Variants in OLFM1 observed in about 807,000 individuals in gnomAD.
OLFM1 encodes the protein noelin.
Under a neutral mutation model 49.7 loss-of-function variants are expected in OLFM1, and 9 were observed. That is an observed-to-expected ratio of 0.18 (90% CI 0.11 to 0.32). OLFM1 has a LOEUF of 0.32. OLFM1 is among the 10% of genes least tolerant of loss of function. The pLI is 1.00. For synonymous variants in OLFM1, 240 were observed against 271.8 expected (o/e 0.88, Z 1.15); for missense variants, 369 against 661.8 (o/e 0.56, Z 4.85).
At chr9:135,099,832 G>T (rs573342940) in intron 4 of OLFM1, among the ~76,000 whole-genome samples, 1 of 152,336 alleles carries the variant, frequency 6.6e-6, no homozygotes, top group South Asian at 2.1e-4. Context: ...GGGCCAGATG[G>T]CCTCTACCAT....
intron 1 of OLFM1, chr9:135,077,151 C>T: frequency 3.9e-6 from 5 of 1,277,006 alleles, no homozygotes; most frequent in Non-Finnish European, 5.1e-6. Flanking sequence ...CATTCATGTG[C>T]ACACACACAC....
rs1251468360 is a variant in OLFM1, at chr9:135,119,950, C to T, written c.1230C>T (p.Gly410=). 1.9e-6 allele frequency: 3 copies of T among 1,613,536 alleles called. No individual in the cohort carries two copies. The highest frequency in any genetic ancestry group is 1.7e-5 in the Admixed American group (1 of 60,012). The part of the protein sequence containing the change: ...RSAGEAFIIC[G]TLYVTNGYSG... ...CCGGGGAGGCCTTCATCATCTGCGGCACGCTGTACGTCACCAACGGCTACT... is the reference window on the plus strand; with the variant it reads ...CCGGGGAGGCCTTCATCATCTGCGGTACGCTGTACGTCACCAACGGCTACT... Residue 410 remains glycine, a synonymous_variant, in exon 6 of 6, where the codon GGC becomes GGT. Transcript: ENST00000371793.
intron 1 of OLFM1, among the ~76,000 whole-genome samples, chr9:135,078,680 A>G (rs1003268739): frequency 6.4e-4 from 98 of 152,318 alleles, no homozygotes; most frequent in African/African-American, 2.3e-3. Context: ...AGAGGCATTG[A>G]TCTCTGGGCC....
At chr9:135,118,862 G>GA (rs1831141019) in intron 5 of OLFM1, among the ~76,000 whole-genome samples, 2 of 149,860 alleles carry the variant, frequency 1.3e-5, no homozygotes, top group African/African-American at 4.9e-5. Context: ...CGGGTCTTTG[G>GA]AGTGCTCACT....
At chr9:135,118,792 CGTGTCTTT>C (rs1831138474) in intron 5 of OLFM1, among the ~76,000 whole-genome samples, 1 of 115,632 alleles carries the variant, frequency 8.6e-6, no homozygotes, top group African/African-American at 3.3e-5. Flanking sequence ...GAGTGCTCGC[CGTGTCTTT>C]GGAGTGCTCG....
At position 135,076,234 on chromosome 9, in the gene OLFM1, C is replaced by T; in HGVS notation, c.96+432C>T. 3 of 1,550,600 alleles carry T rather than the reference C, an allele frequency of 1.9e-6. No individual in the cohort carries two copies. The African/African-American group carries it at 4.1e-5, about 21-fold the overall frequency. ...AACACACACCCCTGAGTGGCTCATC[C>T]TCCCTTTGGGCATAACGCTGCCCTT... is the stretch of plus-strand genomic sequence containing the variant. On this transcript the variant is annotated intron_variant, in intron 1 of 5. Transcript: ENST00000252854.
intron 1 of OLFM1, among the ~76,000 whole-genome samples, chr9:135,078,851 C>G (rs938980683): frequency 6.6e-6 from 1 of 152,218 alleles, no homozygotes; most frequent in Non-Finnish European, 1.5e-5. Flanking sequence ...GCCTCATTCT[C>G]ACCCCGATCC....
chr9:135,097,705 T>C (rs1830819630), intron 3 of OLFM1: 1 of 1,181,782 alleles, frequency 8.5e-7, no homozygotes, highest in South Asian at 1.2e-5. Context: ...TGCAAATATG[T>C]GTTTCCTGAT....
In OLFM1 at chr9:135,087,789, C is replaced by A. The variant is rs1830619663; in HGVS notation, c.-201C>A. ...CGGCGGGCAGAGGCCACCTGGCCAC[C>A]TTCCCTGGCGCCCGGGGAAGGCGCG... On this transcript the variant is annotated 5_prime_UTR_variant, in exon 1 of 6. Coordinates refer to ENST00000371793, the MANE Select transcript of OLFM1 (RefSeq NM_001282611.2). 2 of 661,226 alleles carry A rather than the reference C, an allele frequency of 3.0e-6. No individual in the cohort carries two copies. The highest frequency in any genetic ancestry group is 6.3e-5 in the South Asian group (1 of 15,808). The allele number at this position is 661,226 out of a possible 1,614,324, so 41.0% of individuals were successfully genotyped here.
intron 1 of OLFM1, among the ~76,000 whole-genome samples, chr9:135,078,120 A>G (rs1335291890): frequency 6.6e-6 from 1 of 152,100 alleles, no homozygotes; most frequent in African/African-American, 2.4e-5. Flanking sequence ...CTTGATTCCA[A>G]AGTTATGCGT....
chr9:135,092,004 G>T (rs923327841), intron 2 of OLFM1, among the ~76,000 whole-genome samples: 2 of 152,208 alleles, frequency 1.3e-5, no homozygotes, highest in Non-Finnish European at 2.9e-5. Context: ...GTCAGCTCAG[G>T]AGTATGGCAG....
chr9:135,092,061 G>A (rs936755885), intron 2 of OLFM1, among the ~76,000 whole-genome samples: 9 of 152,358 alleles, frequency 5.9e-5, no homozygotes, highest in East Asian at 3.9e-4. Flanking sequence ...GGCTGGCTCC[G>A]TGCTGGGGGG....
At chr9:135,111,081 T>C (rs1831015952) in intron 5 of OLFM1, among the ~76,000 whole-genome samples, 1 of 152,190 alleles carries the variant, frequency 6.6e-6, no homozygotes, top group African/African-American at 2.4e-5. Context: ...AAATCCCACG[T>C]TCTCAGTAAA....
chr9:135,098,020 GAA>G lies in OLFM1; in HGVS notation c.457-257_457-256del, dbSNP rs199608131. 7.0e-6 allele frequency: 9 copies of G among 1,293,662 alleles called. No homozygotes were observed. Among genetic ancestry groups the G allele is most frequent in the Non-Finnish European group, 8.0e-6 (8 of 1,002,550 alleles). The allele number at this position is 1,293,662 out of a possible 1,614,324, so 80.1% of individuals were successfully genotyped here. A position where few individuals can be genotyped will look rare whatever the true frequency, so the allele number is the denominator to read the frequency against. ...GTCAATGCATTTTTTGAAAAAGAAAGAAAAAAAAAACTTCGTGTATGTGACTC... is the reference window on the plus strand; with the variant it reads ...GTCAATGCATTTTTTGAAAAAGAAAGAAAAAAAACTTCGTGTATGTGACTC... On this transcript the variant is annotated intron_variant, in intron 3 of 5. Transcript: ENST00000371793. The surrounding 1 kb of genome is among the most constrained non-coding windows in gnomAD (Gnocchi z 5.6).
chr9:135,079,898 A>T (rs2119085165), intron 1 of OLFM1, among the ~76,000 whole-genome samples: 1 of 152,066 alleles, frequency 6.6e-6, no homozygotes, highest in African/African-American at 2.4e-5. Context: ...TTCAGGTTTT[A>T]TTGAGTGACT....
Position 135,087,687 on chromosome 9 carries a change from C to A in OLFM1, c.-303C>A. On this transcript the variant is annotated 5_prime_UTR_variant, in exon 1 of 6. Transcript: ENST00000371793. The stretch of plus-strand genomic sequence containing the variant: ...GCGCTCAGAGCCGGACGGCGCTTCC[C>A]GGTGGCGGCGGAGGAGCCCGGAGGG... 2 of 429,052 alleles carry A rather than the reference C, an allele frequency of 4.7e-6. No homozygotes were observed. The highest frequency in any genetic ancestry group is 6.7e-6 in the Non-Finnish European group (2 of 298,306). 26.6% of individuals were successfully genotyped at this position (429,052 alleles called of 1,614,324 possible). A position where few individuals can be genotyped will look rare whatever the true frequency, so the allele number is the denominator to read the frequency against.
In OLFM1 at chr9:135,098,930, G is replaced by A. The variant is rs967277217; in HGVS notation, c.676+425G>A. ...TCATGCATAGTTTGAATAAAAAAGG[G>A]AACAAAATTCAATCACATCTCAGTA... On this transcript the variant is annotated intron_variant, in intron 4 of 5. Coordinates refer to ENST00000371793, the MANE Select transcript of OLFM1 (RefSeq NM_001282611.2). This position sits in a 1 kb window ranked among gnomAD's most constrained non-coding sequence, Gnocchi z 5.6. Among the ~76,000 whole-genome samples the A allele has an allele frequency of 5.9e-5, 9 of 152,198 alleles. No individual in the cohort carries two copies. The highest frequency in any genetic ancestry group is 1.3e-4 in the Non-Finnish European group (9 of 68,030).
chr9:135,115,189 G>A (rs775520205), intron 5 of OLFM1, among the ~76,000 whole-genome samples: 10 of 152,216 alleles, frequency 6.6e-5, no homozygotes, highest in South Asian at 2.1e-4. Flanking sequence ...GGGAGCCACC[G>A]AAATCTTCAG....
Position 135,080,281 on chromosome 9 carries a change from C to A in OLFM1, c.96+4479C>A, listed in dbSNP as rs1315389555. Among the ~76,000 whole-genome samples the A allele has an allele frequency of 1.3e-5, 2 of 152,066 alleles. No individual in the cohort carries two copies. Among genetic ancestry groups the A allele is most frequent in the African/African-American group, 4.8e-5 (2 of 41,424 alleles). On this transcript the variant is annotated intron_variant, in intron 1 of 5. Coordinates refer to the OLFM1 transcript ENST00000252854. This position sits in a 1 kb window ranked among gnomAD's most constrained non-coding sequence, Gnocchi z 4.5. ...CTCTTCCCCTCCAGCTTCTCTGCCC[C>A]CTCTGTTTTGGACTTGCTGGGAGGA... is the stretch of plus-strand genomic sequence containing the variant.
Sources: allele counts gnomAD v4.1 joint callset (sites outside exome capture counted in the v4.1 genomes callset), GRCh38; gene constraint gnomAD v4.1.1; non-coding constraint Gnocchi (gnomAD v3.1); transcripts MANE v1.5; gene names NCBI Gene and HGNC (gene_info 2026-07-23, HGNC 2026-07-21).